Variants in CHODL observed in about 807,000 individuals in gnomAD.
The protein encoded by CHODL is chondrolectin.
CHODL carries 29 observed loss-of-function variants against 34.5 expected under a neutral mutation model. The observed-to-expected ratio is 0.84, with a 90% CI of 0.63 to 1.15. CHODL has a LOEUF of 1.15. Ranked by LOEUF, CHODL falls within the 50% of genes most tolerant of loss-of-function variation. CHODL has a pLI of 0.00. For missense variants in CHODL, 332 were observed against 332.5 expected (o/e 1.00, Z 0.01); for synonymous variants, 125 against 116.1 (o/e 1.08, Z -0.49).
rs2074119435 is a variant in CHODL at position 18,244,987 on chromosome 21, A to T, written c.-237A>T. 1 of 455,034 alleles carries T rather than the reference A, an allele frequency of 2.2e-6. No individual in the cohort carries two copies. The highest frequency in any genetic ancestry group is 2.1e-5 in the African/African-American group (1 of 48,304). 28.2% of individuals were successfully genotyped at this position (455,034 alleles called of 1,614,324 possible). A position where few individuals can be genotyped will look rare whatever the true frequency, so the allele number is the denominator to read the frequency against. ...GGACCCCCTAACTTCAGTCCCCCAA[A>T]CGCGCACCCTCGAAGTCTTGAACTC... On this transcript the variant is annotated 5_prime_UTR_variant, in exon 1 of 6. Transcript: ENST00000299295.
chr21:18,195,855 T>C (rs923772478), intron 2 of CHODL, among the ~76,000 whole-genome samples: 7 of 152,156 alleles, frequency 4.6e-5, no homozygotes, highest in Admixed American at 2.0e-4. Flanking sequence ...AATAAATCAG[T>C]CTTTTTTTAT....
intron 1 of CHODL, among the ~76,000 whole-genome samples, chr21:17,963,018 C>T (rs573449180): frequency 1.3e-4 from 19 of 150,606 alleles, no homozygotes; most frequent in Admixed American, 8.6e-4. Flanking sequence ...GAGCTGAGAT[C>T]GCACCACTGC....
intron 2 of CHODL, among the ~76,000 whole-genome samples, chr21:18,073,038 A>G (rs1453086476): frequency 1.3e-5 from 2 of 152,174 alleles, no homozygotes; most frequent in South Asian, 4.1e-4. Flanking sequence ...AGTAACAATA[A>G]CATTTAGATA....
intron 2 of CHODL, chr21:18,099,851 T>C (rs1472032723): frequency 2.0e-5 from 3 of 152,110 alleles, no homozygotes; most frequent in African/African-American, 2.4e-5. Flanking sequence ...AGGACACTAA[T>C]TGAGATCCAA....
At chr21:18,200,811 G>C (rs1330280464) in intron 2 of CHODL, among the ~76,000 whole-genome samples, 2 of 151,072 alleles carry the variant, frequency 1.3e-5, no homozygotes, top group Non-Finnish European at 2.9e-5. Context: ...ATACTTATAA[G>C]AGGAGGACAG....
intron 2 of CHODL, among the ~76,000 whole-genome samples, chr21:18,102,346 G>A (rs899015892): frequency 6.6e-6 from 1 of 152,160 alleles, no homozygotes; most frequent in Non-Finnish European, 1.5e-5. Flanking sequence ...AGTTACTACA[G>A]TCCACTGCTG....
At chr21:17,997,576 A>C (rs2063862453) in intron 1 of CHODL, among the ~76,000 whole-genome samples, 1 of 152,204 alleles carries the variant, frequency 6.6e-6, no homozygotes, top group South Asian at 2.1e-4. Flanking sequence ...ACTGAGAAGA[A>C]AAAAAGGTTT....
intron 1 of CHODL, among the ~76,000 whole-genome samples, chr21:17,987,842 A>T (rs1387405377): frequency 6.6e-6 from 1 of 152,160 alleles, no homozygotes; most frequent in African/African-American, 2.4e-5. Context: ...TGCTATGTCT[A>T]TTATGTATTT....
chr21:18,028,267 T>TTAC (rs2064201979), intron 2 of CHODL, among the ~76,000 whole-genome samples: 1 of 49,604 alleles, frequency 2.0e-5, no homozygotes. Context: ...TCTTTTTCTT[T>TTAC]TTCCTTTTCC....
intron 1 of CHODL, among the ~76,000 whole-genome samples, chr21:17,945,104 C>T (rs1012963476): frequency 1.7e-4 from 26 of 151,344 alleles, no homozygotes; most frequent in East Asian, 1.2e-3. Context: ...CCCAGCTACT[C>T]GGGAGGCTGA....
intron 2 of CHODL, among the ~76,000 whole-genome samples, chr21:18,102,303 C>T (rs1486350391): frequency 3.3e-5 from 5 of 152,164 alleles, no homozygotes; most frequent in African/African-American, 9.7e-5. Context: ...TGTCCTTTAA[C>T]CTGAATACTT....
At chr21:18,043,177 G>A (rs1392998662) in intron 2 of CHODL, among the ~76,000 whole-genome samples, 2 of 151,936 alleles carry the variant, frequency 1.3e-5, no homozygotes, top group Admixed American at 1.3e-4. Flanking sequence ...TATTGGCCTA[G>A]AATACCAGAA....
intron 2 of CHODL, among the ~76,000 whole-genome samples, chr21:18,126,316 G>A (rs2146585624): frequency 6.6e-6 from 1 of 152,258 alleles, no homozygotes; most frequent in East Asian, 1.9e-4. Flanking sequence ...TTAAATTATG[G>A]CATGTACATT....
intron 2 of CHODL, among the ~76,000 whole-genome samples, chr21:18,121,278 A>G (rs1165047364): frequency 6.6e-6 from 1 of 152,224 alleles, no homozygotes; most frequent in Non-Finnish European, 1.5e-5. Context: ...CACTAATGAT[A>G]GCTGATGAGC....
chr21:18,215,763 A>G (rs913595063), intron 2 of CHODL, among the ~76,000 whole-genome samples: 1 of 152,132 alleles, frequency 6.6e-6, no homozygotes, highest in African/African-American at 2.4e-5. Flanking sequence ...AGCCCTAACT[A>G]TTATGAAACA....
chr21:17,985,474 G>A (rs981977139), intron 1 of CHODL, among the ~76,000 whole-genome samples: 1 of 152,140 alleles, frequency 6.6e-6, no homozygotes, highest in Non-Finnish European at 1.5e-5. Context: ...AGAGTCACAA[G>A]GTCATGGGAT....
At chr21:18,136,666 T>G (rs2072733756) in intron 2 of CHODL, among the ~76,000 whole-genome samples, 1 of 148,572 alleles carries the variant, frequency 6.7e-6, no homozygotes, top group African/African-American at 2.5e-5. Context: ...GAATCTTAAG[T>G]GTAGACTATT....
chr21:18,060,102 C>T (rs543563026), intron 2 of CHODL, among the ~76,000 whole-genome samples: 5 of 152,234 alleles, frequency 3.3e-5, no homozygotes, highest in East Asian at 1.9e-4. Context: ...CTGATCGCTT[C>T]GTATCAATTT....
intron 1 of CHODL, among the ~76,000 whole-genome samples, chr21:17,933,402 T>A (rs1050069198): frequency 1.3e-5 from 2 of 152,222 alleles, no homozygotes; most frequent in East Asian, 3.9e-4. Flanking sequence ...CCGCAGTGTT[T>A]GAGTCCCTGG....
Sources: gnomAD v4.1 joint callset for allele counts (sites outside exome capture counted in the v4.1 genomes callset) on GRCh38, gnomAD v4.1.1 for gene constraint, MANE v1.5 for transcripts, NCBI Gene and HGNC (gene_info 2026-07-23, HGNC 2026-07-21) for gene names.